The following PYM1 variants were observed in gnomAD, a reference collection of about 807,000 sequenced individuals.
PYM1 encodes the protein partner of Y14 and mago.
A neutral mutation model predicts 20.7 loss-of-function variants in PYM1; 7 were observed. That is an observed-to-expected ratio of 0.34 (90% CI 0.19 to 0.64). The LOEUF is 0.64. Ranked by LOEUF, PYM1 falls within the 30% of genes least tolerant of loss-of-function variation. The probability of loss-of-function intolerance (pLI) is 0.74; values close to 1 mark genes in which losing one functional copy is unlikely to be tolerated. For missense variants in PYM1, 194 were observed against 250.0 expected, an observed-to-expected ratio of 0.78 and a Z score of 1.51; for synonymous variants, 100 against 99.2, an observed-to-expected ratio of 1.01 and a Z score of -0.05.
chr12:55,916,152 T>C (rs957680977), intron 1 of PYM1, among the ~76,000 whole-genome samples: 3 of 151,944 alleles, frequency 2.0e-5, no homozygotes, highest in African/African-American at 7.3e-5. Flanking sequence ...CTGGCCAACA[T>C]GGCGAAGCCC....
At chr12:55,924,138 CT>C (rs1457997911) in intron 1 of PYM1, among the ~76,000 whole-genome samples, 1 of 151,576 alleles carries the variant, frequency 6.6e-6, no homozygotes, top group Non-Finnish European at 1.5e-5. Context: ...ATAATGGTGC[CT>C]TTAACAGAAA....
At chr12:55,912,372 G>T (rs1882938818) in intron 1 of PYM1, among the ~76,000 whole-genome samples, 1 of 151,778 alleles carries the variant, frequency 6.6e-6, no homozygotes, top group African/African-American at 2.4e-5. Context: ...AAAAAGAAAA[G>T]AACATGCAAT....
chr12:55,919,909 GAAA>G (rs1196307113), intron 1 of PYM1, among the ~76,000 whole-genome samples: 5 of 151,058 alleles, frequency 3.3e-5, no homozygotes, highest in South Asian at 2.1e-4. Context: ...AAAAGAAAAA[GAAA>G]AAAGAAAAAC....
chr12:55,902,193 CCG>C lies in PYM1; in HGVS notation c.292_293del (p.Arg98AlafsTer16). ...KRNLKRKEKR[R>X]QQQEKGEAEA... ...CTGCCTCTCCTTTCTCTTGCTGCTG[CCG>C]CCTCTTCTCCTTTCGCTTCAGGTTA... On this transcript the variant is annotated frameshift_variant, in exon 3 of 3. Coordinates refer to ENST00000408946, the MANE Select transcript of PYM1 (RefSeq NM_032345.3). LOFTEE classifies it high-confidence loss of function. 6.2e-7 allele frequency: 1 copy of C among 1,614,104 alleles called. No homozygotes were observed. The highest frequency in any genetic ancestry group is 8.5e-7 in the Non-Finnish European group (1 of 1,180,024).
intron 1 of PYM1, among the ~76,000 whole-genome samples, chr12:55,919,260 C>T (rs934141335): frequency 5.3e-5 from 8 of 152,162 alleles, no homozygotes; most frequent in African/African-American, 1.2e-4. Flanking sequence ...CAATTCCTCC[C>T]ACCTCAGCCT....
intron 2 of PYM1, 105 bp from the exon 3 acceptor site, chr12:55,902,460 T>C: frequency 6.9e-7 from 1 of 1,453,930 alleles, no homozygotes; most frequent in Non-Finnish European, 9.1e-7. Context: ...TTGCTTCCTT[T>C]TTTTGTTGTT....
At chr12:55,920,528 CT>C (rs1161549501) in intron 1 of PYM1, among the ~76,000 whole-genome samples, 1 of 151,334 alleles carries the variant, frequency 6.6e-6, no homozygotes, top group Non-Finnish European at 1.5e-5. Flanking sequence ...ATTCCAGCTA[CT>C]CGGGAGGCTG....
intron 1 of PYM1, among the ~76,000 whole-genome samples, chr12:55,923,769 T>C (rs1883140272): frequency 2.0e-5 from 3 of 151,754 alleles, no homozygotes; most frequent in African/African-American, 7.3e-5. Context: ...AAAAATCAAG[T>C]ATATTTAGAA....
At chr12:55,918,749 T>C (rs1883050343) in intron 1 of PYM1, among the ~76,000 whole-genome samples, 1 of 152,050 alleles carries the variant, frequency 6.6e-6, no homozygotes, top group Non-Finnish European at 1.5e-5. Flanking sequence ...GTGCCTGTAG[T>C]CCCAGCTACT....
In PYM1 at chr12:55,901,884, C is replaced by T. The variant is rs1278219287; in HGVS notation, c.603G>A (p.Glu201=). The T allele has an allele frequency of 1.2e-6, 2 of 1,609,334 alleles. No individual in the cohort carries two copies. The highest frequency in any genetic ancestry group is 1.3e-5 in the African/African-American group (1 of 74,638). ...RALEEELEDL[E]LGL is the part of the protein sequence containing the mutation. ...TTCCCCAAAGGCCTCAGAGGCCTAACTCCAAGTCCTCTAACTCCTCTTCTA... is the reference window on the plus strand; with the variant it reads ...TTCCCCAAAGGCCTCAGAGGCCTAATTCCAAGTCCTCTAACTCCTCTTCTA... Residue 201 remains glutamate, a synonymous_variant, in exon 3 of 3, where the codon GAG becomes GAA. Transcript: ENST00000408946.
intron 1 of PYM1, among the ~76,000 whole-genome samples, chr12:55,904,313 G>A (rs889719876): frequency 4.6e-5 from 7 of 150,550 alleles, no homozygotes; most frequent in Non-Finnish European, 8.9e-5. Flanking sequence ...CAAAAAGCTG[G>A]CCAGGCACGG....
intron 1 of PYM1, among the ~76,000 whole-genome samples, chr12:55,910,119 GAA>G (rs1020480038): frequency 2.6e-5 from 4 of 152,160 alleles, no homozygotes; most frequent in East Asian, 1.9e-4. Context: ...CTGTGTTGAT[GAA>G]AAGAGTCAAA....
intron 1 of PYM1, among the ~76,000 whole-genome samples, chr12:55,907,463 CAAAAA>C (rs770960966): frequency 1.9e-5 from 1 of 52,006 alleles, no homozygotes. Flanking sequence ...TACATAAATA[CAAAAA>C]AAAAAAAAAA....
Position 55,902,147 on chromosome 12 carries a change from C to G in PYM1, c.340G>C (p.Asp114His). Residue 114 changes from aspartate (D) to histidine (H), a missense_variant, in exon 3 of 3, where the codon GAT becomes CAT. By Grantham distance (81) the Asp-to-His change is moderately conservative. Around this residue, in one of 3 missense-constraint regions of PYM1, gnomAD observed 158 missense variants for 179.0 expected, o/e 0.88. Transcript: ENST00000408946. ...GCTGTCTCTTCCAGGGACACCTTAT[C>G]AAGAGTCCTGCTCAAGGCCTCTGCC... ...GEAEALSRTL[D>H]KVSLEETAQL... 2.5e-6 allele frequency: 4 copies of G among 1,614,134 alleles called. No individual in the cohort carries two copies. The highest frequency in any genetic ancestry group is 3.4e-6 in the Non-Finnish European group (4 of 1,180,018).
chr12:55,925,431 T>C (rs1883171884), intron 1 of PYM1, among the ~76,000 whole-genome samples: 1 of 152,190 alleles, frequency 6.6e-6, no homozygotes, highest in Admixed American at 6.6e-5. Context: ...GTGATTCTGA[T>C]GTGCAACTGG....
intron 1 of PYM1, among the ~76,000 whole-genome samples, chr12:55,919,808 A>G (rs996537472): frequency 6.6e-6 from 1 of 151,974 alleles, no homozygotes; most frequent in African/African-American, 2.4e-5. Flanking sequence ...GCTGAGGCAG[A>G]ATAGCTTGAG....
intron 1 of PYM1, among the ~76,000 whole-genome samples, chr12:55,920,399 G>A (rs1883077601): frequency 6.6e-6 from 1 of 151,940 alleles, no homozygotes; most frequent in Non-Finnish European, 1.5e-5. Flanking sequence ...AGCATTCTGG[G>A]AGGCCAAGGT....
Position 55,927,826 on chromosome 12 carries a change from C to T in PYM1, c.-65G>A, listed in dbSNP as rs1000995049. 4.0e-6 allele frequency: 6 copies of T among 1,514,154 alleles called. No individual in the cohort carries two copies. Among genetic ancestry groups the T allele is most frequent in the African/African-American group, 2.8e-5 (2 of 71,966 alleles). The allele number at this position is 1,514,154 out of a possible 1,614,324, so 93.8% of individuals were successfully genotyped here. On this transcript the variant is annotated 5_prime_UTR_variant, in exon 1 of 3. Coordinates refer to ENST00000408946, the MANE Select transcript of PYM1 (RefSeq NM_032345.3). ...GGCCTGGCTCTGCCCCGCTGGGCGG[C>T]GCCGGGGATTCGGCGGCGAAGTGAT...
At chr12:55,902,775 G>C (rs777104201) in intron 2 of PYM1, among the ~76,000 whole-genome samples, 28 of 147,514 alleles carry the variant, frequency 1.9e-4, no homozygotes, top group Non-Finnish European at 3.2e-4. Flanking sequence ...GCGCCTGCCT[G>C]TTTGTTTTTG....
Sources: gnomAD v4.1 joint callset for allele counts (sites outside exome capture counted in the v4.1 genomes callset) on GRCh38, gnomAD v4.1.1 for gene constraint, gnomAD v4.1.1 regional missense constraint, MANE v1.5 for transcripts, NCBI Gene and HGNC (gene_info 2026-07-23, HGNC 2026-07-21) for gene names.